Variants in SLC8A1 observed in about 807,000 individuals in gnomAD.
SLC8A1 encodes sodium/calcium exchanger 1.
SLC8A1 carries 18 observed loss-of-function variants against 68.3 expected under a neutral mutation model. That is an observed-to-expected ratio of 0.26 (90% CI 0.18 to 0.39). The LOEUF (loss-of-function observed/expected upper bound fraction) is 0.39, where lower values mean the gene tolerates loss of function less well. Ranked by LOEUF, SLC8A1 falls within the 10% of genes least tolerant of loss-of-function variation. The probability of loss-of-function intolerance (pLI) is 1.00; values close to 1 mark genes in which losing one functional copy is unlikely to be tolerated. For synonymous variants in SLC8A1, 475 were observed against 415.5 expected, an observed-to-expected ratio of 1.14 and a Z score of -1.74; for missense variants, 985 against 1,156.7, an observed-to-expected ratio of 0.85 and a Z score of 2.15.
chr2:40,401,824 G>C (rs113981695), intron 2 of SLC8A1, among the ~76,000 whole-genome samples: 1 of 152,086 alleles, frequency 6.6e-6, no homozygotes, highest in Non-Finnish European at 1.5e-5. Context: ...ATTAAAATGA[G>C]TAAAGGCTCT....
chr2:40,481,965 A>G (rs1263593830), intron 1 of SLC8A1, among the ~76,000 whole-genome samples: 2 of 152,212 alleles, frequency 1.3e-5, no homozygotes, highest in Non-Finnish European at 2.9e-5. Context: ...GTTTTAAGGC[A>G]CATTACAATC....
At chr2:40,117,956 G>A (rs2035851353) in intron 7 of SLC8A1, among the ~76,000 whole-genome samples, 1 of 152,192 alleles carries the variant, frequency 6.6e-6, no homozygotes, top group African/African-American at 2.4e-5. Flanking sequence ...CTTCCTGAAA[G>A]GGAGTTGGTC....
chr2:40,260,125 A>G (rs1299949352), intron 2 of SLC8A1, among the ~76,000 whole-genome samples: 1 of 152,206 alleles, frequency 6.6e-6, no homozygotes, highest in African/African-American at 2.4e-5. Flanking sequence ...TTAGTCCAAG[A>G]AAGTGAACAC....
chr2:40,118,350 T>C (rs917021173), intron 7 of SLC8A1: 1 of 152,198 alleles, frequency 6.6e-6, no homozygotes, highest in Non-Finnish European at 1.5e-5. Context: ...CTCAGAAACT[T>C]TGAAGCAGGT....
intron 2 of SLC8A1, among the ~76,000 whole-genome samples, chr2:40,394,457 G>A (rs1056233721): frequency 6.6e-6 from 1 of 151,592 alleles, no homozygotes; most frequent in South Asian, 2.1e-4. Flanking sequence ...GTGTGTGTGC[G>A]TGTGTGTGTG....
intron 2 of SLC8A1, among the ~76,000 whole-genome samples, chr2:40,246,012 T>C (rs1428360889): frequency 1.3e-5 from 2 of 152,278 alleles, no homozygotes; most frequent in African/African-American, 2.4e-5. Context: ...TTAATCATTA[T>C]GCCATATGAC....
At chr2:40,197,330 C>T (rs1486891458) in intron 2 of SLC8A1, among the ~76,000 whole-genome samples, 3 of 151,896 alleles carry the variant, frequency 2.0e-5, no homozygotes, top group East Asian at 1.9e-4. Flanking sequence ...GCTGGTGCCT[C>T]GGGATGGAGC....
intron 6 of SLC8A1, among the ~76,000 whole-genome samples, chr2:40,159,479 C>T (rs1192503067): frequency 6.6e-6 from 1 of 152,138 alleles, no homozygotes; most frequent in Non-Finnish European, 1.5e-5. Context: ...TATGTCAAGG[C>T]CCATAAAAGA....
At chr2:40,251,579 T>G in intron 2 of SLC8A1, 1 of 152,164 alleles carries the variant, frequency 6.6e-6, no homozygotes, top group Non-Finnish European at 1.5e-5. Flanking sequence ...CATGATTATT[T>G]TATTAATAAT....
intron 2 of SLC8A1, among the ~76,000 whole-genome samples, chr2:40,283,381 T>A (rs2067799923): frequency 6.6e-6 from 1 of 152,160 alleles, no homozygotes; most frequent in South Asian, 2.1e-4. Context: ...TGACAGACAA[T>A]GGCTTATAAA....
chr2:40,122,198 G>GCA (rs66524235), intron 7 of SLC8A1, among the ~76,000 whole-genome samples: 1 of 70,564 alleles, frequency 1.4e-5, no homozygotes, highest in East Asian at 3.3e-4. Context: ...ACAAGTGCAT[G>GCA]CGCGCGCGCA....
At chr2:40,319,450 G>A (rs1032084432) in intron 2 of SLC8A1, among the ~76,000 whole-genome samples, 2 of 152,004 alleles carry the variant, frequency 1.3e-5, no homozygotes, top group Non-Finnish European at 2.9e-5. Context: ...ATTAATTCTT[G>A]GAGCTTCCTT....
chr2:40,212,444 C>G (rs1450028093), intron 2 of SLC8A1, among the ~76,000 whole-genome samples: 1 of 152,016 alleles, frequency 6.6e-6, no homozygotes, highest in Non-Finnish European at 1.5e-5. Flanking sequence ...GCCACCATAC[C>G]CAGCTAATTT....
At chr2:40,312,314 A>G (rs1000212111) in intron 2 of SLC8A1, among the ~76,000 whole-genome samples, 5 of 152,142 alleles carry the variant, frequency 3.3e-5, no homozygotes, top group Non-Finnish European at 5.9e-5. Flanking sequence ...TTCCAATAAA[A>G]CAAACTACCA....
chr2:40,244,028 C>T (rs1027645685), intron 2 of SLC8A1, among the ~76,000 whole-genome samples: 3 of 135,788 alleles, frequency 2.2e-5, no homozygotes, highest in African/African-American at 5.6e-5. Context: ...GACAACGCTC[C>T]CATCAGCAGC....
At chr2:40,323,423 G>T (rs1458099000) in intron 2 of SLC8A1, among the ~76,000 whole-genome samples, 1 of 152,120 alleles carries the variant, frequency 6.6e-6, no homozygotes, top group East Asian at 1.9e-4. Context: ...TTTAAAAAAG[G>T]TCAATTTCCT....
At chr2:40,320,923 A>G (rs1216629532) in intron 2 of SLC8A1, among the ~76,000 whole-genome samples, 3 of 152,094 alleles carry the variant, frequency 2.0e-5, no homozygotes, top group African/African-American at 7.2e-5. Context: ...CACAGTTTTT[A>G]TCCCTTCACT....
chr2:40,357,584 T>C (rs944978300), intron 2 of SLC8A1, among the ~76,000 whole-genome samples: 1 of 151,122 alleles, frequency 6.6e-6, no homozygotes, highest in Non-Finnish European at 1.5e-5. Flanking sequence ...AAATACCTAA[T>C]GTAGACGACA....
chr2:40,466,972 T>C (rs1242568700), intron 1 of SLC8A1, among the ~76,000 whole-genome samples: 1 of 143,876 alleles, frequency 7.0e-6, no homozygotes. Context: ...ATGAGTTATC[T>C]AAAAAAAAAA....
Sources: allele counts gnomAD v4.1 joint callset (sites outside exome capture counted in the v4.1 genomes callset), GRCh38; gene constraint gnomAD v4.1.1; transcripts MANE v1.5; gene names NCBI Gene and HGNC (gene_info 2026-07-23, HGNC 2026-07-21).